Variants in LEMD3 observed in about 807,000 individuals in gnomAD.
LEMD3 encodes inner nuclear membrane protein Man1.
A neutral mutation model predicts 95.2 loss-of-function variants in LEMD3; 33 were observed. The observed-to-expected ratio is 0.35, with a 90% CI of 0.26 to 0.46. LEMD3 has a LOEUF of 0.46. Ranked by LOEUF, LEMD3 falls within the 20% of genes least tolerant of loss-of-function variation. The pLI is 1.00. For missense variants in LEMD3, 1,210 were observed against 1,192.8 expected (o/e 1.01, Z -0.21); for synonymous variants, 525 against 474.6 (o/e 1.11, Z -1.38).
chr12:65,172,361 T>A (rs896439904), intron 1 of LEMD3, among the ~76,000 whole-genome samples: 1 of 152,214 alleles, frequency 6.6e-6, no homozygotes, highest in Non-Finnish European at 1.5e-5. Flanking sequence ...ATTTATAAAA[T>A]TGGCTTATTA....
intron 1 of LEMD3, among the ~76,000 whole-genome samples, chr12:65,207,713 A>G (rs887599430): frequency 1.3e-5 from 2 of 152,100 alleles, no homozygotes; most frequent in Admixed American, 6.5e-5. Flanking sequence ...TGAATATACT[A>G]TTGCCTGTTT....
intron 1 of LEMD3, among the ~76,000 whole-genome samples, chr12:65,203,193 A>G (rs1165684517): frequency 1.3e-5 from 2 of 152,074 alleles, no homozygotes; most frequent in Admixed American, 6.6e-5. Flanking sequence ...CTTAAGTTGC[A>G]ATTTTTTGAA....
intron 1 of LEMD3, among the ~76,000 whole-genome samples, chr12:65,184,527 A>G (rs1049884077): frequency 2.0e-5 from 3 of 152,086 alleles, no homozygotes; most frequent in African/African-American, 7.2e-5. Context: ...ATACTTTTTC[A>G]TCTCTTTAAT....
chr12:65,208,799 T>G (rs566744142), intron 1 of LEMD3, among the ~76,000 whole-genome samples: 1 of 152,236 alleles, frequency 6.6e-6, no homozygotes, highest in South Asian at 2.1e-4. Context: ...GAAAAAAATT[T>G]TAACGAAGTT....
chr12:65,197,289 GGTT>G (rs1157973889), intron 1 of LEMD3, among the ~76,000 whole-genome samples: 6 of 152,084 alleles, frequency 3.9e-5, no homozygotes, highest in Admixed American at 2.0e-4. Flanking sequence ...CAAGTAGAAT[GGTT>G]GTGGGAAATT....
chr12:65,239,817 C>T, intron 6 of LEMD3, 112 bp from the exon 7 acceptor site: 1 of 698,832 alleles, frequency 1.4e-6, no homozygotes. Flanking sequence ...ATAGCTAATT[C>T]AGCCATCTGT....
At chr12:65,202,803 C>G (rs570789500) in intron 1 of LEMD3, among the ~76,000 whole-genome samples, 1 of 152,218 alleles carries the variant, frequency 6.6e-6, no homozygotes, top group African/African-American at 2.4e-5. Context: ...AGGAATTGGT[C>G]TGTTTCATCA....
rs142997234 is a variant in LEMD3 at position 65,188,071 on chromosome 12, A to G, written c.1522+16953A>G. 2.4e-3 allele frequency among the ~76,000 whole-genome samples: 365 copies of G among 152,212 alleles called. 7 individuals carry two copies. Among genetic ancestry groups the G allele is most frequent in the African/African-American group, 8.3e-3 (345 of 41,560 alleles). ...TGGCAGATTCAAATTTTATGAATCA[A>G]GTTTTTTGAAGTTAGGTTTTTGAAA... On this transcript the variant is annotated intron_variant, in intron 1 of 12. Coordinates refer to ENST00000308330, the MANE Select transcript of LEMD3 (RefSeq NM_014319.5).
At chr12:65,213,239 T>G (rs558380463) in intron 2 of LEMD3, among the ~76,000 whole-genome samples, 7 of 152,276 alleles carry the variant, frequency 4.6e-5, no homozygotes, top group East Asian at 3.9e-4. Flanking sequence ...TTGTTTGTTT[T>G]TTTGAGACAA....
rs183729582 is a variant in LEMD3, at chr12:65,206,805, A to G, written c.1523-4121A>G. Reference sequence around the variant, plus strand: ...TTTCCAACAGCAGTGTTTTCCCTCCATATCCCCATTTTTGTCATTTTTGAT... The same window carrying G: ...TTTCCAACAGCAGTGTTTTCCCTCCGTATCCCCATTTTTGTCATTTTTGAT... On this transcript the variant is annotated intron_variant, in intron 1 of 12. Coordinates refer to ENST00000308330, the MANE Select transcript of LEMD3 (RefSeq NM_014319.5). Among the ~76,000 whole-genome samples the G allele has an allele frequency of 5.3e-5, 8 of 152,264 alleles. 1 individual carries two copies. The highest frequency in any genetic ancestry group is 1.2e-4 in the Non-Finnish European group (8 of 68,002).
At chr12:65,216,641 T>G (rs1306282034) in intron 3 of LEMD3, among the ~76,000 whole-genome samples, 1 of 151,750 alleles carries the variant, frequency 6.6e-6, no homozygotes, top group Non-Finnish European at 1.5e-5. Context: ...TTTTTTTTTT[T>G]AAACATATAA....
chr12:65,184,492 T>C lies in LEMD3; in HGVS notation c.1522+13374T>C, dbSNP rs142571502. Among the ~76,000 whole-genome samples the C allele has an allele frequency of 7.9e-4, 121 of 152,328 alleles. 2 individuals are homozygous for C. In the East Asian group the frequency reaches 0.021, roughly 26 times the overall value. ...GGAGTTGGAGGAGAAAGTAAGTTTA[T>C]TTTTGGCTTTTAGTGTTTTCTCTTA... On this transcript the variant is annotated intron_variant, in intron 1 of 12. Coordinates refer to ENST00000308330, the MANE Select transcript of LEMD3 (RefSeq NM_014319.5).
At chr12:65,222,819 A>G (rs1274820848) in intron 4 of LEMD3, among the ~76,000 whole-genome samples, 1 of 151,724 alleles carries the variant, frequency 6.6e-6, no homozygotes, top group Non-Finnish European at 1.5e-5. Context: ...TGCTTCTCAT[A>G]AATTTTGTTA....
At chr12:65,212,182 A>G (rs937621362) in intron 2 of LEMD3, among the ~76,000 whole-genome samples, 4 of 152,074 alleles carry the variant, frequency 2.6e-5, no homozygotes, top group African/African-American at 9.7e-5. Flanking sequence ...CTTATTCACT[A>G]TTCATCACGA....
intron 1 of LEMD3, among the ~76,000 whole-genome samples, chr12:65,199,990 C>G (rs1413190852): frequency 6.6e-6 from 1 of 151,702 alleles, no homozygotes; most frequent in Non-Finnish European, 1.5e-5. Flanking sequence ...AAGGAAAACC[C>G]CAACTTTCCA....
At chr12:65,236,566 T>C (rs1226849233) in intron 4 of LEMD3, among the ~76,000 whole-genome samples, 2 of 150,716 alleles carry the variant, frequency 1.3e-5, no homozygotes, top group Admixed American at 1.3e-4. Flanking sequence ...AAAAAAAAAT[T>C]CATTTTTTGC....
At chr12:65,176,200 C>T (rs1309323094) in intron 1 of LEMD3, among the ~76,000 whole-genome samples, 1 of 152,198 alleles carries the variant, frequency 6.6e-6, no homozygotes, top group Non-Finnish European at 1.5e-5. Context: ...CTTAAAATTA[C>T]ACAATGGCTT....
chr12:65,236,989 C>A (rs1301395142), intron 4 of LEMD3, among the ~76,000 whole-genome samples: 1 of 152,008 alleles, frequency 6.6e-6, no homozygotes, highest in Non-Finnish European at 1.5e-5. Context: ...CCTATAATTA[C>A]TGAGGACTCT....
intron 1 of LEMD3, among the ~76,000 whole-genome samples, chr12:65,204,262 T>C (rs993054921): frequency 1.3e-5 from 2 of 152,012 alleles, no homozygotes; most frequent in Non-Finnish European, 2.9e-5. Context: ...TTTGCTGCGC[T>C]GATCATTCTG....
Sources: gnomAD v4.1 joint callset for allele counts (sites outside exome capture counted in the v4.1 genomes callset) on GRCh38, gnomAD v4.1.1 for gene constraint, MANE v1.5 for transcripts, NCBI Gene and HGNC (gene_info 2026-07-23, HGNC 2026-07-21) for gene names.